The following SPRYD3 variants were observed in gnomAD, a reference collection of about 807,000 sequenced individuals.
SPRYD3 encodes the protein SPRY domain containing 3.
SPRYD3 carries 17 observed loss-of-function variants against 50.1 expected under a neutral mutation model. The observed-to-expected ratio is 0.34, with a 90% CI of 0.23 to 0.51. The LOEUF (loss-of-function observed/expected upper bound fraction) is 0.51. SPRYD3 is among the 20% of genes least tolerant of loss of function. SPRYD3 has a pLI of 0.97. For missense variants in SPRYD3, 401 were observed against 591.2 expected, an observed-to-expected ratio of 0.68 and a Z score of 3.34; for synonymous variants, 198 against 215.5, an observed-to-expected ratio of 0.92 and a Z score of 0.71.
At chr12:53,071,087 C>T (rs1320739157) in intron 6 of SPRYD3, among the ~76,000 whole-genome samples, 1 of 152,194 alleles carries the variant, frequency 6.6e-6, no homozygotes, top group Non-Finnish European at 1.5e-5. Context: ...CTCCCCTTGC[C>T]AGCAGAGACC....
chr12:53,065,218 T>G lies in SPRYD3; in HGVS notation c.*614A>C, dbSNP rs2293060. 0.056 allele frequency: 8,504 copies of G among 152,654 alleles called. 341 individuals carry two copies. The highest frequency in any genetic ancestry group is 0.17 in the East Asian group (868 of 5,158). 9.5% of individuals were successfully genotyped at this position (152,654 alleles called of 1,614,324 possible). ...TGGGGAGCCAGAGACCTAGATCCTC[T>G]GTGGTGCCTGAGCAGGTTGGGGTGG... On this transcript the variant is annotated 3_prime_UTR_variant, in exon 11 of 11. Coordinates refer to ENST00000301463, the MANE Select transcript of SPRYD3 (RefSeq NM_032840.3).
chr12:53,076,065 G>A (rs1055719889), intron 2 of SPRYD3, among the ~76,000 whole-genome samples: 43 of 152,204 alleles, frequency 2.8e-4, no homozygotes, highest in Admixed American at 2.4e-3. Context: ...AGGAGGAAAA[G>A]AATGTAGAGC....
At chr12:53,071,167 C>T (rs1164191326) in intron 6 of SPRYD3, among the ~76,000 whole-genome samples, 1 of 152,198 alleles carries the variant, frequency 6.6e-6, no homozygotes, top group African/African-American at 2.4e-5. Context: ...GAAACAGGAA[C>T]CAAGTACACA....
Position 53,065,802 on chromosome 12 carries a change from G to T in SPRYD3, c.*30C>A. 1 of 1,599,222 alleles carries T rather than the reference G, an allele frequency of 6.3e-7. No individual in the cohort carries two copies. The highest frequency in any genetic ancestry group is 8.5e-7 in the Non-Finnish European group (1 of 1,170,626). ...TGCCTGGCCCAGCAGAGGGTGAGCA[G>T]GGAGAAGGAGCAGGTCTGGAGGGGA... is the stretch of plus-strand genomic sequence containing the variant. On this transcript the variant is annotated 3_prime_UTR_variant, in exon 11 of 11. Coordinates refer to ENST00000301463, the MANE Select transcript of SPRYD3 (RefSeq NM_032840.3).
rs935113683 is a variant in SPRYD3, at chr12:53,064,550, C to T, written c.*1282G>A. 2 of 152,734 alleles carry T rather than the reference C, an allele frequency of 1.3e-5. No individual in the cohort carries two copies. The highest frequency in any genetic ancestry group is 2.9e-5 in the Non-Finnish European group (2 of 68,162). 9.5% of individuals were successfully genotyped at this position (152,734 alleles called of 1,614,324 possible). ...CTTCGGCTGCCCCCATCCAGCAGTCCTGTTCCTAGCCCAGTGGACTAGAAA... is the reference window on the plus strand; with the variant it reads ...CTTCGGCTGCCCCCATCCAGCAGTCTTGTTCCTAGCCCAGTGGACTAGAAA... On this transcript the variant is annotated 3_prime_UTR_variant, in exon 11 of 11. Transcript: ENST00000301463.
chr12:53,076,805 C>T (rs548251272), intron 2 of SPRYD3, among the ~76,000 whole-genome samples: 38 of 152,132 alleles, frequency 2.5e-4, no homozygotes, highest in African/African-American at 7.5e-4. Context: ...AAAAATCAGC[C>T]GTATGTGGTG....
At chr12:53,075,071 C>T (rs1944578900) in intron 4 of SPRYD3, 24 bp downstream of exon 4, 10 of 1,606,370 alleles carry the variant, frequency 6.2e-6, no homozygotes, top group Admixed American at 1.7e-5. Context: ...GGAAAAGGGC[C>T]GGGTTGCACA....
At chr12:53,076,423 C>T (rs183391261) in intron 2 of SPRYD3, among the ~76,000 whole-genome samples, 26 of 152,312 alleles carry the variant, frequency 1.7e-4, no homozygotes, top group African/African-American at 5.8e-4. Context: ...ACAGGGTACA[C>T]TATAGAATGG....
rs550405926 is a variant in SPRYD3 at position 53,077,430 on chromosome 12, T to C, written c.24-169A>G. On this transcript the variant is annotated intron_variant, in intron 1 of 10. Coordinates refer to ENST00000301463, the MANE Select transcript of SPRYD3 (RefSeq NM_032840.3). Reference sequence around the variant, plus strand: ...ATTCAACAAACATTTACCAAGCACCTACTCTGTGTGCTTTTCTCCGTGCTA... The same window carrying C: ...ATTCAACAAACATTTACCAAGCACCCACTCTGTGTGCTTTTCTCCGTGCTA... Among the ~76,000 whole-genome samples the C allele has an allele frequency of 1.5e-4, 23 of 152,374 alleles. No individual in the cohort carries two copies. The South Asian group carries it at 4.8e-3, about 32-fold the overall frequency.
rs1395980246 is a variant in SPRYD3, at chr12:53,065,826, G to A, written c.*6C>T. On this transcript the variant is annotated 3_prime_UTR_variant, in exon 11 of 11. Transcript: ENST00000301463. ...AGGGAGAAGGAGCAGGTCTGGAGGG[G>A]AGGCCCTAGCCACTCAAGGGGTGCA... is the stretch of plus-strand genomic sequence containing the variant. 5.0e-6 allele frequency: 8 copies of A among 1,610,850 alleles called. No individual in the cohort carries two copies. Among genetic ancestry groups the A allele is most frequent in the Non-Finnish European group, 2.5e-6 (3 of 1,178,656 alleles).
At chr12:53,077,371 G>T in intron 1 of SPRYD3, 110 bp from the exon 2 acceptor site, 4 of 1,148,228 alleles carry the variant, frequency 3.5e-6, no homozygotes, top group Non-Finnish European at 5.0e-6. Flanking sequence ...CAGCTGCCCA[G>T]ATTGACCTCA....
chr12:53,079,181 A>T (rs926224222), intron 1 of SPRYD3, 130 bp downstream of exon 1: 33 of 972,654 alleles, frequency 3.4e-5, no homozygotes, highest in African/African-American at 1.7e-4. Context: ...GCAGCAACAG[A>T]AGAAGCCCAG....
chr12:53,074,879 C>A lies in SPRYD3; in HGVS notation c.372-95G>T. ...GAGGCCTCATCCTCATCTTGCTGCT[C>A]CTGGTCATTCTGTGATGGTACCCAC... On this transcript the variant is annotated intron_variant, in intron 4 of 10. Coordinates refer to ENST00000301463, the MANE Select transcript of SPRYD3 (RefSeq NM_032840.3). The surrounding 1 kb of genome is among the most constrained non-coding windows in gnomAD (Gnocchi z 4.6). 2.0e-6 allele frequency: 3 copies of A among 1,502,606 alleles called. No individual in the cohort carries two copies. Among genetic ancestry groups the A allele is most frequent in the Non-Finnish European group, 2.7e-6 (3 of 1,091,020 alleles). The allele number at this position is 1,502,606 out of a possible 1,614,324, so 93.1% of individuals were successfully genotyped here.
chr12:53,073,640 T>C (rs113761229), intron 5 of SPRYD3, among the ~76,000 whole-genome samples, 169 bp from the exon 6 acceptor site: 9 of 151,728 alleles, frequency 5.9e-5, no homozygotes, highest in African/African-American at 1.5e-4. Flanking sequence ...GTCAGGAGAT[T>C]GAAACCATCC....
At chr12:53,066,841 G>A (rs781749501) in intron 8 of SPRYD3, 149 bp from the exon 9 acceptor site, 44 of 1,031,072 alleles carry the variant, frequency 4.3e-5, no homozygotes, top group South Asian at 3.3e-4. Context: ...GGCCGGGCGC[G>A]GTGGCTCACG....
At chr12:53,075,985 ACTC>A (rs1358221010) in intron 2 of SPRYD3, among the ~76,000 whole-genome samples, 174 bp from the exon 3 acceptor site, 1 of 151,676 alleles carries the variant, frequency 6.6e-6, no homozygotes, top group Non-Finnish European at 1.5e-5. Flanking sequence ...ACCTCACCCT[ACTC>A]CTCTCGCAGC....
intron 6 of SPRYD3, among the ~76,000 whole-genome samples, chr12:53,068,529 G>A (rs554613190): frequency 9.8e-5 from 15 of 152,306 alleles, no homozygotes; most frequent in African/African-American, 3.4e-4. Flanking sequence ...GAATGCCCAC[G>A]CTGTCTTCCC....
Position 53,073,408 on chromosome 12 carries a change from G to A in SPRYD3, c.571C>T (p.Leu191=). Residue 191 remains leucine, a synonymous_variant, in exon 6 of 11, where the codon CTG becomes TTG. Transcript: ENST00000301463. ...GLFPAVGMHS[L]GEEVRLHLNA... Reference sequence around the variant, plus strand: ...AGGTGCAGCCGCACCTCCTCACCCAGGGAGTGCATGCCCACTGCTGGGAAC... The same window carrying A: ...AGGTGCAGCCGCACCTCCTCACCCAAGGAGTGCATGCCCACTGCTGGGAAC... 6.3e-7 allele frequency: 1 copy of A among 1,578,324 alleles called. No individual in the cohort carries two copies. The highest frequency in any genetic ancestry group is 1.9e-5 in the Admixed American group (1 of 53,948).
rs1944485785 is a variant in SPRYD3 at position 53,064,708 on chromosome 12, C to T, written c.*1124G>A. 1 of 152,766 alleles carries T rather than the reference C, an allele frequency of 6.5e-6. No individual in the cohort carries two copies. The highest frequency in any genetic ancestry group is 2.1e-4 in the South Asian group (1 of 4,834). 9.5% of individuals were successfully genotyped at this position (152,766 alleles called of 1,614,324 possible). ...AGGGCCAAAGGGAGGCCCAGCAGCA[C>T]AACAGCTCACCCGCTTTCCCTACAG... On this transcript the variant is annotated 3_prime_UTR_variant, in exon 11 of 11. Coordinates refer to ENST00000301463, the MANE Select transcript of SPRYD3 (RefSeq NM_032840.3).
Sources: allele counts gnomAD v4.1 joint callset (sites outside exome capture counted in the v4.1 genomes callset), GRCh38; gene constraint gnomAD v4.1.1; non-coding constraint Gnocchi (gnomAD v3.1); transcripts MANE v1.5; gene names NCBI Gene and HGNC (gene_info 2026-07-23, HGNC 2026-07-21).